SLC25A13: variants seen among roughly 807,000 people sequenced by gnomAD.
SLC25A13 encodes the protein solute carrier family 25 member 13.
A neutral mutation model predicts 85.5 loss-of-function variants in SLC25A13; 70 were observed. That is an observed-to-expected ratio of 0.82 (90% CI 0.68 to 1.00). The LOEUF is 1.00. Among genes scored for constraint, SLC25A13 ranks in the 50% least tolerant of loss-of-function variants. The probability of loss-of-function intolerance (pLI) is 0.00; values close to 1 mark genes in which losing one functional copy is unlikely to be tolerated. For synonymous variants in SLC25A13, 259 were observed against 288.7 expected (o/e 0.90, Z 1.04); for missense variants, 765 against 819.8 (o/e 0.93, Z 0.82).
chr7:96,194,555 T>C (rs998842291), intron 5 of SLC25A13, among the ~76,000 whole-genome samples: 3 of 151,680 alleles, frequency 2.0e-5, no homozygotes, highest in African/African-American at 7.3e-5. Context: ...ATTTTTAATT[T>C]TAGTGAGATA....
intron 3 of SLC25A13, among the ~76,000 whole-genome samples, chr7:96,274,811 A>T (rs1343683115): frequency 6.6e-6 from 1 of 152,162 alleles, no homozygotes; most frequent in Non-Finnish European, 1.5e-5. Context: ...CAAAGATCAG[A>T]TGGTTGTAGA....
At chr7:96,161,495 T>C (rs569661447) in intron 13 of SLC25A13, among the ~76,000 whole-genome samples, 16 of 152,212 alleles carry the variant, frequency 1.1e-4, no homozygotes, top group African/African-American at 3.9e-4. Flanking sequence ...TTCAACAGAT[T>C]TTTTTTTAAG....
intron 2 of SLC25A13, among the ~76,000 whole-genome samples, chr7:96,294,184 A>G (rs1799248222): frequency 6.6e-6 from 1 of 152,100 alleles, no homozygotes; most frequent in Non-Finnish European, 1.5e-5. Flanking sequence ...GCAAGAACAA[A>G]AAAACAAACA....
At chr7:96,212,523 A>G (rs906911775) in intron 4 of SLC25A13, among the ~76,000 whole-genome samples, 1 of 152,162 alleles carries the variant, frequency 6.6e-6, no homozygotes, top group African/African-American at 2.4e-5. Context: ...GAGCAGATAA[A>G]CCATGATCTG....
chr7:96,241,466 TA>T (rs1367075966), intron 3 of SLC25A13, among the ~76,000 whole-genome samples: 2 of 152,188 alleles, frequency 1.3e-5, no homozygotes, highest in East Asian at 3.8e-4. Flanking sequence ...ATCCAACCAC[TA>T]AAAAGTGTTA....
intron 5 of SLC25A13, among the ~76,000 whole-genome samples, chr7:96,199,297 A>G (rs1795169558): frequency 6.6e-6 from 1 of 152,204 alleles, no homozygotes; most frequent in South Asian, 2.1e-4. Context: ...AACCAGATGA[A>G]GAAAAAGATG....
At chr7:96,279,481 C>G (rs1290263620) in intron 2 of SLC25A13, among the ~76,000 whole-genome samples, 1 of 152,158 alleles carries the variant, frequency 6.6e-6, no homozygotes, top group East Asian at 1.9e-4. Flanking sequence ...AAAGTCACAT[C>G]TTAACATGGC....
intron 5 of SLC25A13, among the ~76,000 whole-genome samples, chr7:96,198,176 G>T (rs757292203): frequency 6.6e-6 from 1 of 152,136 alleles, no homozygotes. Context: ...ACTGCCACCC[G>T]GGAGAGCTCA....
intron 1 of SLC25A13, 21 bp downstream of exon 1, chr7:96,321,921 C>T (rs555617171): frequency 6.5e-7 from 1 of 1,529,294 alleles, no homozygotes; most frequent in Non-Finnish European, 8.8e-7. Context: ...GCGCTCCCCC[C>T]GGCCTCGGGC....
Position 96,146,689 on chromosome 7 carries a change from C to T in SLC25A13, c.1319G>A (p.Gly440Asp). 6.2e-7 allele frequency: 1 copy of T among 1,613,962 alleles called. No individual in the cohort carries two copies. The highest frequency in any genetic ancestry group is 8.5e-7 in the Non-Finnish European group (1 of 1,179,964). Residue 440 changes from glycine to aspartate, a missense_variant, in exon 14 of 18, where the codon GGC (glycine) becomes GAC (aspartate). Gly to Asp is a moderately conservative substitution (Grantham distance 94). Coordinates refer to ENST00000265631, the MANE Select transcript of SLC25A13 (RefSeq NM_014251.3). The stretch of plus-strand genomic sequence containing the variant: ...AGGATTTGTGAAAATCACCTGGGAG[C>T]CTCCAGCCTAAAAAGAACAAAAAAG... ...AEILAGGCAG[G>D]SQVIFTNPLE...
chr7:96,150,664 G>A (rs927238784), intron 13 of SLC25A13, among the ~76,000 whole-genome samples: 11 of 152,102 alleles, frequency 7.2e-5, no homozygotes, highest in South Asian at 4.1e-4. Flanking sequence ...ACACAGACAT[G>A]TAGGACACAA....
intron 13 of SLC25A13, among the ~76,000 whole-genome samples, chr7:96,156,979 G>A (rs887419704): frequency 1.3e-5 from 2 of 152,200 alleles, no homozygotes; most frequent in Non-Finnish European, 2.9e-5. Flanking sequence ...TAGGAGCAAT[G>A]GGTGCTTCAC....
chr7:96,273,748 T>C (rs964085989), intron 3 of SLC25A13, among the ~76,000 whole-genome samples: 1 of 152,224 alleles, frequency 6.6e-6, no homozygotes, highest in African/African-American at 2.4e-5. Context: ...TTTTTTTCTG[T>C]AGTTTAAAAT....
chr7:96,131,267 A>T (rs1792018867), intron 15 of SLC25A13, among the ~76,000 whole-genome samples: 1 of 152,120 alleles, frequency 6.6e-6, no homozygotes, highest in South Asian at 2.1e-4. Flanking sequence ...CCCGTAACAC[A>T]GGGAGGAAAC....
chr7:96,311,083 C>T (rs142877113), intron 1 of SLC25A13, among the ~76,000 whole-genome samples: 3 of 152,192 alleles, frequency 2.0e-5, no homozygotes, highest in African/African-American at 4.8e-5. Context: ...TACATACATA[C>T]ATAATATGCA....
chr7:96,283,738 A>C (rs1322560165), intron 2 of SLC25A13: 2 of 239,838 alleles, frequency 8.3e-6, no homozygotes, highest in East Asian at 2.7e-4. Flanking sequence ...CCACGCAGAG[A>C]AGCACACTTT....
At chr7:96,227,161 C>T (rs955783058) in intron 4 of SLC25A13, among the ~76,000 whole-genome samples, 1 of 152,158 alleles carries the variant, frequency 6.6e-6, no homozygotes, top group Non-Finnish European at 1.5e-5. Flanking sequence ...GGCAGTAGTC[C>T]TATCTGCAAA....
At chr7:96,224,232 G>A (rs574490832) in intron 4 of SLC25A13, among the ~76,000 whole-genome samples, 11 of 152,090 alleles carry the variant, frequency 7.2e-5, no homozygotes, top group Non-Finnish European at 1.2e-4. Context: ...ATGATCACTG[G>A]CATGGTACCC....
chr7:96,270,920 C>T (rs1460835318), intron 3 of SLC25A13, among the ~76,000 whole-genome samples: 1 of 152,154 alleles, frequency 6.6e-6, no homozygotes, highest in Non-Finnish European at 1.5e-5. Context: ...AACGCTCCAA[C>T]CTCTACTTCT....
Sources: allele counts gnomAD v4.1 joint callset (sites outside exome capture counted in the v4.1 genomes callset), GRCh38; gene constraint gnomAD v4.1.1; transcripts MANE v1.5; gene names NCBI Gene and HGNC (gene_info 2026-07-23, HGNC 2026-07-21).